Variants in KLF17 observed in about 807,000 individuals in gnomAD.
KLF17 encodes Krueppel-like factor 17.
In KLF17, 31 loss-of-function variants were observed where a neutral mutation model predicts 34.2. The observed-to-expected ratio is 0.91, with a 90% CI of 0.68 to 1.22. KLF17 has a LOEUF of 1.22. Among genes scored for constraint, KLF17 ranks in the 50% most tolerant of loss-of-function variants. The probability of loss-of-function intolerance (pLI) is 0.00; values close to 1 mark genes in which losing one functional copy is unlikely to be tolerated. For missense variants in KLF17, 478 were observed against 505.2 expected, an observed-to-expected ratio of 0.95 and a Z score of 0.52; for synonymous variants, 179 against 186.7, an observed-to-expected ratio of 0.96 and a Z score of 0.34.
intron 1 of KLF17, among the ~76,000 whole-genome samples, chr1:44,123,671 T>C (rs1268447673): frequency 6.6e-6 from 1 of 152,142 alleles, no homozygotes; most frequent in Non-Finnish European, 1.5e-5. Flanking sequence ...GTTTGAGATC[T>C]TTTTTACTGA....
At chr1:44,061,170 C>G in the KLF17 span, 1 of 152,206 alleles carries the variant, frequency 6.6e-6, no homozygotes, top group Non-Finnish European at 1.5e-5. Context: ...GCTTCCAACT[C>G]GACCCGCCTA....
intron 1 of KLF17, among the ~76,000 whole-genome samples, chr1:44,125,241 G>C (rs767898680): frequency 2.0e-5 from 3 of 152,084 alleles, no homozygotes; most frequent in Non-Finnish European, 2.9e-5. Flanking sequence ...TGATCTCTCA[G>C]CTTTTGTCTA....
chr1:44,089,670 C>T, the KLF17 span, among the ~76,000 whole-genome samples: 1 of 152,156 alleles, frequency 6.6e-6, no homozygotes, highest in African/African-American at 2.4e-5. Flanking sequence ...AGAACCCGTA[C>T]AAATCACTAT....
At chr1:44,096,665 G>T in the KLF17 span, among the ~76,000 whole-genome samples, 2 of 151,926 alleles carry the variant, frequency 1.3e-5, no homozygotes, top group Non-Finnish European at 2.9e-5. Context: ...CTCCCAAAGT[G>T]CTGGGATTAC....
chr1:44,097,740 C>T, the KLF17 span, among the ~76,000 whole-genome samples: 1 of 152,100 alleles, frequency 6.6e-6, no homozygotes, highest in South Asian at 2.1e-4. Context: ...CAGTATGATA[C>T]TGGCTATGGG....
the KLF17 span, among the ~76,000 whole-genome samples, chr1:44,049,746 G>T: frequency 6.6e-6 from 1 of 152,228 alleles, no homozygotes; most frequent in Non-Finnish European, 1.5e-5. Flanking sequence ...GCCTCCCAAA[G>T]GGTTGGAATT....
the KLF17 span, among the ~76,000 whole-genome samples, chr1:44,072,057 T>C: frequency 6.6e-6 from 1 of 151,760 alleles, no homozygotes; most frequent in Non-Finnish European, 1.5e-5. Flanking sequence ...TGGGTGGTAA[T>C]GATGGAGGTG....
At chr1:44,080,387 C>T in the KLF17 span, among the ~76,000 whole-genome samples, 2 of 151,148 alleles carry the variant, frequency 1.3e-5, no homozygotes, top group South Asian at 2.1e-4. Context: ...TGCAGGCGCC[C>T]ACCACCACCC....
the KLF17 span, among the ~76,000 whole-genome samples, chr1:44,109,750 A>G: frequency 6.6e-6 from 1 of 152,142 alleles, no homozygotes; most frequent in Non-Finnish European, 1.5e-5. Context: ...TTACCTAAGT[A>G]GCTAAGTTCT....
Position 44,130,580 on chromosome 1 carries a change from C to T in KLF17, c.994C>T (p.Arg332Ter), listed in dbSNP as rs760187091. 1.1e-5 allele frequency: 17 copies of T among 1,614,100 alleles called. No homozygotes were observed. The highest frequency in any genetic ancestry group is 5.5e-5 in the South Asian group (5 of 91,080). Residue 332 changes from arginine to a stop codon, truncating the protein, a stop_gained, in exon 3 of 4, where the codon CGA becomes TGA. Transcript: ENST00000372299. LOFTEE classifies it high-confidence loss of function. ...WSFFRSDELR[R>*]HMRVHTRYRP... ...TTTCTTCCGTTCTGATGAGCTTAGA[C>T]GACATATGCGGGTACACACCAGATA...
At chr1:44,094,596 C>T in the KLF17 span, among the ~76,000 whole-genome samples, 2 of 152,164 alleles carry the variant, frequency 1.3e-5, no homozygotes, top group African/African-American at 4.8e-5. Flanking sequence ...ATTGACAATA[C>T]TATCCTCTCC....
At chr1:44,124,841 G>T (rs1028208288) in intron 1 of KLF17, among the ~76,000 whole-genome samples, 8 of 151,776 alleles carry the variant, frequency 5.3e-5, no homozygotes, top group Admixed American at 5.3e-4. Context: ...GTTGCCATGG[G>T]GATTACATTT....
chr1:44,117,964 A>G (rs180823767), upstream of KLF17, among the ~76,000 whole-genome samples: 2 of 152,246 alleles, frequency 1.3e-5, no homozygotes, highest in East Asian at 1.9e-4. Context: ...ATTCCTTTCT[A>G]TGGTCTTCAA....
At chr1:44,092,738 G>C in the KLF17 span, among the ~76,000 whole-genome samples, 1 of 151,144 alleles carries the variant, frequency 6.6e-6, no homozygotes, top group East Asian at 1.9e-4. Context: ...CGAGTAGCTG[G>C]GTACCCTTTA....
At chr1:44,128,148 C>G (rs1326173220) in intron 1 of KLF17, among the ~76,000 whole-genome samples, 1 of 152,174 alleles carries the variant, frequency 6.6e-6, no homozygotes, top group Non-Finnish European at 1.5e-5. Flanking sequence ...ATGGCACAAT[C>G]TCAGCTTACT....
the KLF17 span, among the ~76,000 whole-genome samples, chr1:44,109,204 A>G: frequency 6.6e-6 from 1 of 152,130 alleles, no homozygotes; most frequent in Non-Finnish European, 1.5e-5. Flanking sequence ...AAATTTTTCT[A>G]CCTCCTGAGG....
the KLF17 span, among the ~76,000 whole-genome samples, chr1:44,094,118 C>CT: frequency 1.3e-5 from 2 of 152,178 alleles, no homozygotes; most frequent in African/African-American, 2.4e-5. Flanking sequence ...GACTGCAGGA[C>CT]TGTTGACCAT....
chr1:44,128,898 G>C (rs945497776), intron 1 of KLF17, among the ~76,000 whole-genome samples: 2 of 152,018 alleles, frequency 1.3e-5, no homozygotes, highest in African/African-American at 4.8e-5. Flanking sequence ...TGTAATCCCA[G>C]CTACTCAGGA....
the KLF17 span, among the ~76,000 whole-genome samples, chr1:44,098,909 T>C: frequency 6.6e-6 from 1 of 151,614 alleles, no homozygotes; most frequent in Non-Finnish European, 1.5e-5. Flanking sequence ...TTTTTTTTTT[T>C]TTGAGACAGG....
Sources: allele counts gnomAD v4.1 joint callset (sites outside exome capture counted in the v4.1 genomes callset), GRCh38; gene constraint gnomAD v4.1.1; transcripts MANE v1.5; gene names NCBI Gene and HGNC (gene_info 2026-07-23, HGNC 2026-07-21).